Variants in PPP1R15B observed in about 807,000 individuals in gnomAD.
PPP1R15B encodes the protein protein phosphatase 1, regulatory (inhibitor) subunit 15B.
A neutral mutation model predicts 53.9 loss-of-function variants in PPP1R15B; 31 were observed. The ratio of observed to expected loss-of-function variants is 0.58; its 90% confidence interval spans 0.43 to 0.78. PPP1R15B has a LOEUF of 0.78. Among genes scored for constraint, PPP1R15B ranks in the 30% least tolerant of loss-of-function variants. PPP1R15B has a pLI of 0.00. For synonymous variants in PPP1R15B, 345 were observed against 329.1 expected, an observed-to-expected ratio of 1.05 and a Z score of -0.52; for missense variants, 928 against 849.6, an observed-to-expected ratio of 1.09 and a Z score of -1.15.
In PPP1R15B at chr1:204,404,625, A is replaced by G. The variant is rs1484833783; in HGVS notation, c.*1467T>C. On this transcript the variant is annotated 3_prime_UTR_variant, in exon 2 of 2. Coordinates refer to ENST00000367188, the MANE Select transcript of PPP1R15B (RefSeq NM_032833.5). ...GCAGTTCTTAGAACTGGATAGAAAT[A>G]AAATAATGACCAGGTAGATTGTAAA... is the stretch of plus-strand genomic sequence containing the variant. 1.5e-5 allele frequency: 15 copies of G among 985,532 alleles called. No individual in the cohort carries two copies. The allele number at this position is 985,532 out of a possible 1,614,324, so 61.0% of individuals were successfully genotyped here. A position where few individuals can be genotyped will look rare whatever the true frequency, so the allele number is the denominator to read the frequency against.
rs906888213 is a variant in PPP1R15B at position 204,411,567 on chromosome 1, A to G, written c.-156T>C. 1 of 1,017,702 alleles carries G rather than the reference A, an allele frequency of 9.8e-7. No individual in the cohort carries two copies. The highest frequency in any genetic ancestry group is 1.6e-5 in the South Asian group (1 of 63,306). 63.0% of individuals were successfully genotyped at this position (1,017,702 alleles called of 1,614,324 possible). A position where few individuals can be genotyped will look rare whatever the true frequency, so the allele number is the denominator to read the frequency against. On this transcript the variant is annotated 5_prime_UTR_variant, in exon 1 of 2. Coordinates refer to ENST00000367188, the MANE Select transcript of PPP1R15B (RefSeq NM_032833.5). ...AGCCAGCAGAAAAGCCACAGAGGGC[A>G]GCGAATGCGGCAGCGGGCGGCAGAA...
chr1:204,408,640 A>G (rs1674307114), intron 1 of PPP1R15B, among the ~76,000 whole-genome samples: 1 of 152,256 alleles, frequency 6.6e-6, no homozygotes, highest in African/African-American at 2.4e-5. Context: ...TTTGGAGAAG[A>G]GTTCAATTAA....
Position 204,406,111 on chromosome 1 carries a change from T to TG in PPP1R15B, c.2122_2123insC (p.Asn708ThrfsTer45). On this transcript the variant is annotated frameshift_variant, in exon 2 of 2. Coordinates refer to ENST00000367188, the MANE Select transcript of PPP1R15B (RefSeq NM_032833.5). LOFTEE classifies it high-confidence loss of function. ...GCCAACTCAACATTGCTTGAGAACA[T>TG]TAAGTCCTTTGAAGCATGTTCCCTG... The TG allele has an allele frequency of 6.2e-7, 1 of 1,614,116 alleles. No individual in the cohort carries two copies. The highest frequency in any genetic ancestry group is 1.1e-5 in the South Asian group (1 of 91,084).
downstream of PPP1R15B, among the ~76,000 whole-genome samples, chr1:204,398,997 T>C (rs1674132855): frequency 6.6e-6 from 1 of 152,250 alleles, no homozygotes; most frequent in Admixed American, 6.5e-5. Flanking sequence ...AGTTAAAGCT[T>C]ACGGTAGCTT....
Position 204,404,453 on chromosome 1 carries a change from C to A in PPP1R15B, c.*1639G>T, listed in dbSNP as rs1225784596. 3.5e-6 allele frequency: 3 copies of A among 866,776 alleles called. No individual in the cohort carries two copies. Among genetic ancestry groups the A allele is most frequent in the Non-Finnish European group, 4.2e-6 (3 of 722,360 alleles). The allele number at this position is 866,776 out of a possible 1,614,324, so 53.7% of individuals were successfully genotyped here. A position where few individuals can be genotyped will look rare whatever the true frequency, so the allele number is the denominator to read the frequency against. On this transcript the variant is annotated 3_prime_UTR_variant, in exon 2 of 2. Coordinates refer to ENST00000367188, the MANE Select transcript of PPP1R15B (RefSeq NM_032833.5). ...TGAGCCGAGATCGCGCCACTGCACT[C>A]CAAGCTGGGGGACCGAACGAGACTC...
At chr1:204,403,105 T>C (rs761161437), downstream of PPP1R15B, among the ~76,000 whole-genome samples, 33 of 152,010 alleles carry the variant, frequency 2.2e-4, no homozygotes, top group Non-Finnish European at 4.3e-4. Context: ...AAACAGAGAT[T>C]TCCCTGCTAC....
Position 204,411,487 on chromosome 1 carries a change from C to G in PPP1R15B, c.-76G>C. ...GAGGTCGACGGGATTCGGAGGAAGC[C>G]TACAGAGTCTCGGCCTTGCCCAGCG... On this transcript the variant is annotated 5_prime_UTR_variant, in exon 1 of 2. An upstream open reading frame in the 5' UTR loses its in-frame stop. Coordinates refer to ENST00000367188, the MANE Select transcript of PPP1R15B (RefSeq NM_032833.5). The G allele has an allele frequency of 6.5e-7, 1 of 1,535,874 alleles. No individual in the cohort carries two copies. Among genetic ancestry groups the G allele is most frequent in the South Asian group, 1.2e-5 (1 of 80,526 alleles).
At position 204,409,724 on chromosome 1, in the gene PPP1R15B, T is replaced by C; in HGVS notation, c.1688A>G (p.Asp563Gly). The C allele has an allele frequency of 6.2e-7, 1 of 1,614,116 alleles. No homozygotes were observed. The highest frequency in any genetic ancestry group is 1.7e-5 in the Admixed American group (1 of 60,024). Reference protein sequence around the residue: ...LKLWNSFCNSDDPYNPLNFKA... With the variant: ...LKLWNSFCNSGDPYNPLNFKA... ...AAAATTTAAAGGGTTGTAGGGGTCATCAGAATTACAGAATGAGTTCCACAG... is the reference window on the plus strand; with the variant it reads ...AAAATTTAAAGGGTTGTAGGGGTCACCAGAATTACAGAATGAGTTCCACAG... The change falls in exon 1 of 2, where the codon GAT (aspartate) becomes GGT (glycine). Residue 563 changes from aspartate (D) to glycine (G), a missense_variant. By Grantham distance (94) the Asp-to-Gly change is moderately conservative. Coordinates refer to ENST00000367188, the MANE Select transcript of PPP1R15B (RefSeq NM_032833.5).
chr1:204,396,240 G>A (rs1674098726), downstream of PPP1R15B, among the ~76,000 whole-genome samples: 1 of 151,686 alleles, frequency 6.6e-6, no homozygotes, highest in African/African-American at 2.4e-5. Context: ...AGACGTGGTG[G>A]CTCACACCTG....
Position 204,409,653 on chromosome 1 carries a change from C to A in PPP1R15B, c.1759G>T (p.Asp587Tyr). Residue 587 changes from aspartate (D) to tyrosine (Y), a missense_variant, in exon 1 of 2, where the codon GAC becomes TAC. Transcript: ENST00000367188. ...ATGGACTCAGATGGGGTCTTTGAGT[C>A]ACGACAGCCTTTCTCATTTTCCCCT... Reference protein sequence around the residue: ...TSGENEKGCRDSKTPSESIVA... With the variant: ...TSGENEKGCRYSKTPSESIVA... 1 of 1,614,078 alleles carries A rather than the reference C, an allele frequency of 6.2e-7. No homozygotes were observed. Among genetic ancestry groups the A allele is most frequent in the Non-Finnish European group, 8.5e-7 (1 of 1,180,018 alleles).
Position 204,409,731 on chromosome 1 carries a change from T to G in PPP1R15B, c.1681A>C (p.Asn561His). 6.2e-7 allele frequency: 1 copy of G among 1,614,122 alleles called. No individual in the cohort carries two copies. The highest frequency in any genetic ancestry group is 8.5e-7 in the Non-Finnish European group (1 of 1,180,024). ...ESLKLWNSFC[N>H]SDDPYNPLNF... ...AAAGGGTTGTAGGGGTCATCAGAATTACAGAATGAGTTCCACAGTTTGAGA... is the reference window on the plus strand; with the variant it reads ...AAAGGGTTGTAGGGGTCATCAGAATGACAGAATGAGTTCCACAGTTTGAGA... Residue 561 changes from asparagine (N) to histidine (H), a missense_variant, in exon 1 of 2, where the codon AAT becomes CAT. Asn to His is a moderately conservative substitution (Grantham distance 68, BLOSUM62 1). Transcript: ENST00000367188.
chr1:204,406,635 CCAGCTACG>C (rs1674269259), intron 1 of PPP1R15B, among the ~76,000 whole-genome samples: 1 of 151,932 alleles, frequency 6.6e-6, no homozygotes, highest in African/African-American at 2.4e-5. Context: ...GCCTGTAATC[CCAGCTACG>C]CAGGAGGCTG....
chr1:204,396,602 T>G (rs1674103394), downstream of PPP1R15B, among the ~76,000 whole-genome samples: 1 of 149,774 alleles, frequency 6.7e-6, no homozygotes, highest in African/African-American at 2.4e-5. Flanking sequence ...TGCCAAAAGC[T>G]GGAGGTTGGG....
chr1:204,406,899 C>T (rs1378112398), intron 1 of PPP1R15B, among the ~76,000 whole-genome samples: 2 of 151,840 alleles, frequency 1.3e-5, no homozygotes, highest in South Asian at 2.1e-4. Context: ...GTCGTCTGCC[C>T]CCCCCAATCC....
Position 204,403,983 on chromosome 1 carries a change from C to T in PPP1R15B, c.*2109G>A, listed in dbSNP as rs1207027862. On this transcript the variant is annotated 3_prime_UTR_variant, in exon 2 of 2. Coordinates refer to ENST00000367188, the MANE Select transcript of PPP1R15B (RefSeq NM_032833.5). ...CCAATGAAAGATGTCTCATTATTTT[C>T]AAATACACAGAGGTGCTAGGTTTAA... 2 of 985,254 alleles carry T rather than the reference C, an allele frequency of 2.0e-6. No homozygotes were observed. The highest frequency in any genetic ancestry group is 3.5e-5 in the African/African-American group (2 of 57,214). 61.0% of individuals were successfully genotyped at this position (985,254 alleles called of 1,614,324 possible). A position where few individuals can be genotyped will look rare whatever the true frequency, so the allele number is the denominator to read the frequency against.
At chr1:204,407,345 C>T (rs1674282881) in intron 1 of PPP1R15B, among the ~76,000 whole-genome samples, 1 of 152,148 alleles carries the variant, frequency 6.6e-6, no homozygotes, top group African/African-American at 2.4e-5. Flanking sequence ...ATTCAATATG[C>T]TATCACTATA....
chr1:204,398,078 CAT>C (rs1363304044), downstream of PPP1R15B, among the ~76,000 whole-genome samples: 4 of 152,162 alleles, frequency 2.6e-5, no homozygotes, highest in Non-Finnish European at 5.9e-5. Context: ...AAAAGTGTAT[CAT>C]GTGTCTAAAA....
At position 204,405,942 on chromosome 1, in the gene PPP1R15B, G is replaced by T; in HGVS notation, c.*150C>A. ...TTCAAACCTGAATGTTTCTGAGTGGGATATGTTGCAAAAAAAAAAATTAAA... is the reference window on the plus strand; with the variant it reads ...TTCAAACCTGAATGTTTCTGAGTGGTATATGTTGCAAAAAAAAAAATTAAA... On this transcript the variant is annotated 3_prime_UTR_variant, in exon 2 of 2. Transcript: ENST00000367188. The T allele has an allele frequency of 7.0e-7, 1 of 1,427,442 alleles. No individual in the cohort carries two copies. The highest frequency in any genetic ancestry group is 2.5e-5 in the East Asian group (1 of 39,558). 88.4% of individuals were successfully genotyped at this position (1,427,442 alleles called of 1,614,324 possible).
At position 204,404,311 on chromosome 1, in the gene PPP1R15B, G is replaced by A. The variant is rs564663671; in HGVS notation, c.*1781C>T. On this transcript the variant is annotated 3_prime_UTR_variant, in exon 2 of 2. Coordinates refer to ENST00000367188, the MANE Select transcript of PPP1R15B (RefSeq NM_032833.5). ...AGTCTGGCCAACATAGCGAAACCCC[G>A]TCTCTACTAAAAAGACACAAAAAAT... 1.5e-5 allele frequency: 11 copies of A among 713,332 alleles called. 1 individual carries two copies. The East Asian group carries it at 4.0e-4, about 26-fold the overall frequency. The allele number at this position is 713,332 out of a possible 1,614,324, so 44.2% of individuals were successfully genotyped here. A position where few individuals can be genotyped will look rare whatever the true frequency, so the allele number is the denominator to read the frequency against.
Sources: allele counts gnomAD v4.1 joint callset (sites outside exome capture counted in the v4.1 genomes callset), GRCh38; gene constraint gnomAD v4.1.1; transcripts MANE v1.5; gene names NCBI Gene and HGNC (gene_info 2026-07-23, HGNC 2026-07-21).